Variants in UNC13C observed in about 807,000 individuals in gnomAD.
UNC13C encodes unc-13 homolog C, also known as protein unc-13 homolog C.
A neutral mutation model predicts 245.4 loss-of-function variants in UNC13C; 174 were observed. The observed-to-expected ratio is 0.71, with a 90% CI of 0.63 to 0.80. The LOEUF is 0.80. Ranked by LOEUF, UNC13C falls within the 30% of genes least tolerant of loss-of-function variation. The probability of loss-of-function intolerance (pLI) is 0.00; values close to 1 mark genes in which losing one functional copy is unlikely to be tolerated. For missense variants in UNC13C, 2,829 were observed against 2,602.9 expected, an observed-to-expected ratio of 1.09 and a Z score of -1.89; for synonymous variants, 992 against 895.1, an observed-to-expected ratio of 1.11 and a Z score of -1.93.
chr15:54,402,065 A>T (rs1210360394), intron 18 of UNC13C, among the ~76,000 whole-genome samples: 1 of 83,832 alleles, frequency 1.2e-5, no homozygotes, highest in African/African-American at 5.3e-5. Flanking sequence ...GTTGAAATGT[A>T]AAAAAAAAAA....
chr15:54,582,984 G>T (rs1898273399), intron 30 of UNC13C, among the ~76,000 whole-genome samples: 1 of 152,106 alleles, frequency 6.6e-6, no homozygotes, highest in Admixed American at 6.5e-5. Flanking sequence ...AGCATCACCT[G>T]TCGGGCTTGT....
the UNC13C span, among the ~76,000 whole-genome samples, chr15:53,915,681 A>G: frequency 2.0e-5 from 3 of 152,270 alleles, no homozygotes; most frequent in East Asian, 5.8e-4. Flanking sequence ...GAAAGAAAAA[A>G]TGAATTAAAC....
At chr15:54,317,917 T>C (rs1016759400) in intron 13 of UNC13C, among the ~76,000 whole-genome samples, 16 of 151,946 alleles carry the variant, frequency 1.1e-4, no homozygotes, top group Non-Finnish European at 4.4e-5. Context: ...CAACCTCTAG[T>C]AACTACCTTT....
At chr15:54,410,974 G>A (rs192894728) in intron 18 of UNC13C, among the ~76,000 whole-genome samples, 108 of 152,160 alleles carry the variant, frequency 7.1e-4, no homozygotes, top group African/African-American at 2.5e-3. Flanking sequence ...CAGCTCCTCT[G>A]CATGCTTGCA....
intron 4 of UNC13C, among the ~76,000 whole-genome samples, chr15:54,201,624 A>T (rs974692297): frequency 6.6e-6 from 1 of 151,948 alleles, no homozygotes; most frequent in African/African-American, 2.4e-5. Flanking sequence ...TCATTTTATG[A>T]TTAAAATCCT....
chr15:53,852,259 T>C, the UNC13C span, among the ~76,000 whole-genome samples: 6 of 152,194 alleles, frequency 3.9e-5, no homozygotes, highest in African/African-American at 1.4e-4. Flanking sequence ...GTGTCTTCTG[T>C]GCTGATTGGA....
chr15:54,008,546 A>G (rs985599268), intron 1 of UNC13C, among the ~76,000 whole-genome samples: 2 of 152,200 alleles, frequency 1.3e-5, no homozygotes, highest in Admixed American at 1.3e-4. Context: ...ATTAATGAAG[A>G]CAATGTGTAG....
intron 14 of UNC13C, among the ~76,000 whole-genome samples, chr15:54,330,252 T>C (rs2038404473): frequency 6.6e-6 from 1 of 152,088 alleles, no homozygotes; most frequent in African/African-American, 2.4e-5. Flanking sequence ...TCTTTTTAAA[T>C]CTTTCAAAAC....
intron 29 of UNC13C, among the ~76,000 whole-genome samples, chr15:54,565,477 T>G (rs1200067085): frequency 6.6e-6 from 1 of 152,046 alleles, no homozygotes; most frequent in Non-Finnish European, 1.5e-5. Flanking sequence ...TTATAAATGC[T>G]GTCACTCATA....
chr15:54,304,417 T>C (rs1333386863), intron 13 of UNC13C, among the ~76,000 whole-genome samples: 1 of 152,040 alleles, frequency 6.6e-6, no homozygotes, highest in Non-Finnish European at 1.5e-5. Context: ...TTTTTATATA[T>C]CACATGTTTC....
At chr15:54,142,586 T>G (rs1484470778) in intron 2 of UNC13C, among the ~76,000 whole-genome samples, 2 of 152,198 alleles carry the variant, frequency 1.3e-5, no homozygotes, top group Admixed American at 1.3e-4. Context: ...AATACTGATC[T>G]CAATTAATTC....
chr15:54,167,387 A>C (rs935973615), intron 4 of UNC13C, among the ~76,000 whole-genome samples: 14 of 151,168 alleles, frequency 9.3e-5, no homozygotes, highest in African/African-American at 3.2e-4. Context: ...CTGTAGTCCC[A>C]GCTACTCGGG....
At chr15:54,544,716 A>C (rs1896409019) in intron 26 of UNC13C, among the ~76,000 whole-genome samples, 1 of 152,218 alleles carries the variant, frequency 6.6e-6, no homozygotes, top group African/African-American at 2.4e-5. Context: ...AAGAGAATAA[A>C]ATACCAAGGA....
At chr15:54,624,611 G>C (rs1901021111) in intron 32 of UNC13C, among the ~76,000 whole-genome samples, 1 of 152,088 alleles carries the variant, frequency 6.6e-6, no homozygotes, top group African/African-American at 2.4e-5. Context: ...TGTTTGCTGT[G>C]TACAGAAATA....
chr15:54,393,654 C>T (rs1163183868), intron 18 of UNC13C, among the ~76,000 whole-genome samples: 1 of 151,758 alleles, frequency 6.6e-6, no homozygotes, highest in East Asian at 1.9e-4. Flanking sequence ...TTGATTTTCA[C>T]AAAGTATAAT....
At chr15:54,531,181 GT>G (rs1373514864) in intron 25 of UNC13C, among the ~76,000 whole-genome samples, 1 of 152,114 alleles carries the variant, frequency 6.6e-6, no homozygotes, top group Non-Finnish European at 1.5e-5. Context: ...ATAGTCTGGA[GT>G]TTGGGTTAGA....
chr15:54,140,231 T>C (rs920550838), intron 2 of UNC13C, among the ~76,000 whole-genome samples: 6 of 152,212 alleles, frequency 3.9e-5, no homozygotes, highest in African/African-American at 1.4e-4. Context: ...TCTACAAATC[T>C]GTTAGATTAT....
At chr15:54,153,081 A>G (rs1290546074) in intron 4 of UNC13C, among the ~76,000 whole-genome samples, 1 of 152,182 alleles carries the variant, frequency 6.6e-6, no homozygotes, top group East Asian at 1.9e-4. Flanking sequence ...ATAATTACTC[A>G]CTTCTTATTT....
At chr15:54,108,193 CT>C (rs11340883) in intron 2 of UNC13C, among the ~76,000 whole-genome samples, 133,371 of 150,570 alleles carry the variant, frequency 0.89, 59,971 homozygotes, top group Non-Finnish European at 0.96. Flanking sequence ...CTAAATAATA[CT>C]TTTTTTTTTT....
Sources: allele counts gnomAD v4.1 joint callset (sites outside exome capture counted in the v4.1 genomes callset), GRCh38; gene constraint gnomAD v4.1.1; transcripts MANE v1.5; gene names NCBI Gene and HGNC (gene_info 2026-07-23, HGNC 2026-07-21).